The following UNC5D variants were observed in gnomAD, a reference collection of about 807,000 sequenced individuals.
The protein encoded by UNC5D is netrin receptor UNC5D.
UNC5D carries 39 observed loss-of-function variants against 105.4 expected under a neutral mutation model. The observed-to-expected ratio is 0.37, with a 90% confidence interval of 0.29 to 0.48. The LOEUF (loss-of-function observed/expected upper bound fraction) is 0.48. UNC5D is among the 20% of genes least tolerant of loss of function. The pLI, the probability that UNC5D is intolerant of heterozygous loss-of-function variation, is 0.98. For synonymous variants in UNC5D, 452 were observed against 450.4 expected, an observed-to-expected ratio of 1.00 and a Z score of -0.04; for missense variants, 991 against 1,202.4, an observed-to-expected ratio of 0.82 and a Z score of 2.60.
chr8:35,256,248 G>GTATGAT (rs1161890977), intron 1 of UNC5D: 21 of 152,162 alleles, frequency 1.4e-4, no homozygotes, highest in Admixed American at 1.4e-3. Flanking sequence ...AGTCACTGAA[G>GTATGAT]GAATAATAGA....
At chr8:35,633,786 C>T (rs1197694212) in intron 4 of UNC5D, among the ~76,000 whole-genome samples, 2 of 152,062 alleles carry the variant, frequency 1.3e-5, no homozygotes, top group Non-Finnish European at 2.9e-5. Context: ...CTGCAGTTTC[C>T]AGGACCTAAT....
At chr8:35,670,003 G>A (rs1824674869) in intron 4 of UNC5D, among the ~76,000 whole-genome samples, 1 of 152,144 alleles carries the variant, frequency 6.6e-6, no homozygotes, top group African/African-American at 2.4e-5. Context: ...ATATGATCAT[G>A]TGGGGAGGTG....
At chr8:35,379,225 C>T (rs922688927) in intron 1 of UNC5D, among the ~76,000 whole-genome samples, 6 of 152,136 alleles carry the variant, frequency 3.9e-5, no homozygotes, top group African/African-American at 1.4e-4. Context: ...TATAGTCACA[C>T]AGCTACCCAG....
intron 1 of UNC5D, among the ~76,000 whole-genome samples, chr8:35,364,282 G>A (rs999764734): frequency 6.6e-6 from 1 of 152,126 alleles, no homozygotes; most frequent in Admixed American, 6.5e-5. Context: ...ATATTAGCAT[G>A]AGCTCATGGA....
At chr8:35,511,502 A>C (rs1195638235) in intron 1 of UNC5D, among the ~76,000 whole-genome samples, 8 of 150,624 alleles carry the variant, frequency 5.3e-5, no homozygotes, top group Admixed American at 1.3e-4. Flanking sequence ...AAAAGGTCTT[A>C]ATTTTCACAA....
chr8:35,774,761 A>G (rs1802165114), intron 16 of UNC5D, among the ~76,000 whole-genome samples: 1 of 151,946 alleles, frequency 6.6e-6, no homozygotes, highest in Non-Finnish European at 1.5e-5. Flanking sequence ...GTGAGACCCC[A>G]TCTCCACAAA....
chr8:35,593,924 A>T (rs1819333408), intron 3 of UNC5D, among the ~76,000 whole-genome samples: 1 of 152,208 alleles, frequency 6.6e-6, no homozygotes, highest in Non-Finnish European at 1.5e-5. Flanking sequence ...CCCTTGTGAG[A>T]CAGCAGAGGA....
At chr8:35,346,605 A>G (rs890287238) in intron 1 of UNC5D, among the ~76,000 whole-genome samples, 2 of 152,060 alleles carry the variant, frequency 1.3e-5, no homozygotes, top group African/African-American at 4.8e-5. Flanking sequence ...TGTTATGTGT[A>G]TTAAATATTG....
chr8:35,744,689 T>G (rs771922437), intron 11 of UNC5D, among the ~76,000 whole-genome samples: 1 of 152,142 alleles, frequency 6.6e-6, no homozygotes, highest in Non-Finnish European at 1.5e-5. Context: ...CAACAAGTAT[T>G]TTTGAGTGCT....
intron 8 of UNC5D, among the ~76,000 whole-genome samples, chr8:35,708,288 A>G (rs575163616): frequency 6.6e-6 from 1 of 152,344 alleles, no homozygotes; most frequent in Admixed American, 6.5e-5. Context: ...GGCAAATCAT[A>G]ATGACAAACT....
At chr8:35,675,768 T>C (rs1385032273) in intron 4 of UNC5D, among the ~76,000 whole-genome samples, 1 of 152,064 alleles carries the variant, frequency 6.6e-6, no homozygotes, top group Admixed American at 6.6e-5. Context: ...TCTTTGGGTT[T>C]TGTTTTTTCC....
At chr8:35,584,384 T>TTTTG (rs754942447) in intron 3 of UNC5D, among the ~76,000 whole-genome samples, 15 of 151,402 alleles carry the variant, frequency 9.9e-5, no homozygotes, top group Non-Finnish European at 1.9e-4. Context: ...TGGGCCTGTT[T>TTTTG]TTTGTTTGTT....
intron 1 of UNC5D, among the ~76,000 whole-genome samples, chr8:35,472,847 G>C (rs1044631159): frequency 6.6e-6 from 1 of 152,122 alleles, no homozygotes; most frequent in Non-Finnish European, 1.5e-5. Flanking sequence ...TGAGTAGAGA[G>C]TGGGAAAGAA....
chr8:35,255,069 C>T (rs566293899), intron 1 of UNC5D: 2 of 152,320 alleles, frequency 1.3e-5, no homozygotes, highest in South Asian at 2.1e-4. Context: ...TTAGAAGCCA[C>T]ATCTCTCATG....
At chr8:35,755,188 C>CA (rs1440859093) in intron 13 of UNC5D, among the ~76,000 whole-genome samples, 1 of 152,008 alleles carries the variant, frequency 6.6e-6, no homozygotes, top group Non-Finnish European at 1.5e-5. Context: ...ATGCACAGCC[C>CA]AAACAAACCT....
intron 1 of UNC5D, among the ~76,000 whole-genome samples, chr8:35,512,465 CATATATATATATATATATATATATATAT>C (rs780945660): frequency 5.0e-4 from 10 of 20,110 alleles, no homozygotes; most frequent in South Asian, 5.5e-3. Flanking sequence ...AATAGTGAGC[CATATATATATATATATATATATATATAT>C]ATATATATAT....
intron 1 of UNC5D, among the ~76,000 whole-genome samples, chr8:35,264,330 C>A (rs954609751): frequency 6.6e-6 from 1 of 151,878 alleles, no homozygotes; most frequent in East Asian, 1.9e-4. Context: ...AGGAGCAAAA[C>A]GCCTTTTCAT....
At chr8:35,693,181 G>A (rs941283563) in intron 7 of UNC5D, among the ~76,000 whole-genome samples, 4 of 152,058 alleles carry the variant, frequency 2.6e-5, no homozygotes, top group Non-Finnish European at 5.9e-5. Context: ...ACGTGTCTTC[G>A]TGAAGGCTTT....
chr8:35,434,690 A>G (rs1338501257), intron 1 of UNC5D, among the ~76,000 whole-genome samples: 1 of 152,156 alleles, frequency 6.6e-6, no homozygotes, highest in African/African-American at 2.4e-5. Context: ...AGTGGTTTTC[A>G]TATACCATTC....
Sources: allele counts gnomAD v4.1 joint callset (sites outside exome capture counted in the v4.1 genomes callset), GRCh38; gene constraint gnomAD v4.1.1; transcripts MANE v1.5; gene names NCBI Gene and HGNC (gene_info 2026-07-23, HGNC 2026-07-21).